Variants in CELF2 observed in about 807,000 individuals in gnomAD.
CELF2 encodes the protein CUGBP Elav-like family member 2.
In CELF2, 8 loss-of-function variants were observed where a neutral mutation model predicts 62.6. The ratio of observed to expected loss-of-function variants is 0.13; its 90% CI spans 0.07 to 0.23. The LOEUF is 0.23. Among genes scored for constraint, CELF2 ranks in the 10% least tolerant of loss-of-function variants. The probability of loss-of-function intolerance (pLI) is 1.00; values close to 1 mark genes in which losing one functional copy is unlikely to be tolerated. For missense variants in CELF2, 333 were observed against 671.0 expected, an observed-to-expected ratio of 0.50 and a Z score of 5.56; for synonymous variants, 258 against 250.0, an observed-to-expected ratio of 1.03 and a Z score of -0.30.
At chr10:11,230,803 G>C (rs753929393) in intron 3 of CELF2, among the ~76,000 whole-genome samples, 1 of 152,208 alleles carries the variant, frequency 6.6e-6, no homozygotes, top group Non-Finnish European at 1.5e-5. Context: ...GCCAGAACAA[G>C]CTAATTCTAA....
chr10:11,226,103 C>G (rs1439002960), intron 3 of CELF2, among the ~76,000 whole-genome samples: 1 of 152,200 alleles, frequency 6.6e-6, no homozygotes, highest in Non-Finnish European at 1.5e-5. Context: ...GCCAGCACAG[C>G]ACAACGGGAA....
chr10:10,777,335 A>G, the CELF2 span, among the ~76,000 whole-genome samples: 22 of 152,208 alleles, frequency 1.4e-4, no homozygotes, highest in Non-Finnish European at 2.6e-4. Flanking sequence ...AATTCAGCAA[A>G]TACTTCCTAG....
intron 1 of CELF2, among the ~76,000 whole-genome samples, chr10:10,898,422 A>G (rs149502951): frequency 4.1e-4 from 62 of 152,310 alleles, no homozygotes; most frequent in Admixed American, 1.2e-3. Flanking sequence ...GATTTCTTAT[A>G]TCAGCCCTAA....
At position 11,112,097 on chromosome 10, in the gene CELF2, A is replaced by G. The variant is rs144828738; in HGVS notation, c.75-53389A>G. Among the ~76,000 whole-genome samples the G allele has an allele frequency of 2.3e-3, 345 of 152,368 alleles. 1 individual carries two copies. Among genetic ancestry groups the G allele is most frequent in the African/African-American group, 7.8e-3 (323 of 41,590 alleles). ...CTTAGATATTTGTACCTTTACATAT[A>G]CATGGAATAGTACAGCAGAACTTTC... On this transcript the variant is annotated intron_variant, in intron 1 of 12. Transcript: ENST00000633077.
the CELF2 span, among the ~76,000 whole-genome samples, chr10:10,517,490 A>G: frequency 1.2e-4 from 19 of 152,222 alleles, no homozygotes; most frequent in Middle Eastern, 3.4e-3. Context: ...AACAAATAAC[A>G]TCATCACAAA....
chr10:10,695,438 C>T, the CELF2 span, among the ~76,000 whole-genome samples: 6 of 150,352 alleles, frequency 4.0e-5, no homozygotes, highest in East Asian at 1.9e-4. Flanking sequence ...CTGCCCTTAA[C>T]GTTTTTTCCT....
intron 2 of CELF2, among the ~76,000 whole-genome samples, chr10:10,973,797 C>T (rs1248440005): frequency 2.6e-5 from 4 of 152,052 alleles, no homozygotes; most frequent in Admixed American, 6.5e-5. Context: ...CGAACTTCTG[C>T]GCCCCAACTA....
intron 3 of CELF2, among the ~76,000 whole-genome samples, chr10:11,248,282 G>A (rs1248926210): frequency 6.6e-6 from 1 of 152,154 alleles, no homozygotes. Flanking sequence ...TGCGGACCAG[G>A]CACCGGGTGT....
the CELF2 span, among the ~76,000 whole-genome samples, chr10:10,626,192 C>A: frequency 6.6e-6 from 1 of 151,972 alleles, no homozygotes; most frequent in African/African-American, 2.4e-5. Context: ...ACATTCGTTG[C>A]TTTACTGATT....
the CELF2 span, among the ~76,000 whole-genome samples, chr10:10,551,215 C>A: frequency 6.6e-6 from 1 of 152,156 alleles, no homozygotes; most frequent in East Asian, 1.9e-4. Flanking sequence ...GTTCAAGGGT[C>A]AACTGTAGTC....
the CELF2 span, among the ~76,000 whole-genome samples, chr10:10,744,242 T>TA: frequency 3.3e-5 from 5 of 152,194 alleles, no homozygotes; most frequent in Non-Finnish European, 7.3e-5. Flanking sequence ...TCTCTGAGTT[T>TA]AAAAAAATAC....
the CELF2 span, among the ~76,000 whole-genome samples, chr10:10,489,276 T>A: frequency 6.6e-6 from 1 of 152,102 alleles, no homozygotes; most frequent in Non-Finnish European, 1.5e-5. Context: ...TCCAGATATG[T>A]TAGTCCTGTC....
chr10:10,978,043 T>G (rs981131094), intron 2 of CELF2, among the ~76,000 whole-genome samples: 26 of 151,082 alleles, frequency 1.7e-4, no homozygotes, highest in South Asian at 4.2e-4. Context: ...TGTTTTTTGT[T>G]TTTTTTTTTC....
chr10:10,956,809 C>T (rs2048954259), intron 2 of CELF2, among the ~76,000 whole-genome samples: 1 of 151,982 alleles, frequency 6.6e-6, no homozygotes, highest in Non-Finnish European at 1.5e-5. Flanking sequence ...TGGTGTGCAC[C>T]TATAGTCCCA....
intron 1 of CELF2, among the ~76,000 whole-genome samples, chr10:11,059,527 C>CTGGTGAGA (rs1171040841): frequency 6.6e-6 from 1 of 152,130 alleles, no homozygotes; most frequent in East Asian, 1.9e-4. Context: ...AAGGAGAATT[C>CTGGTGAGA]TGGTGAGATG....
At chr10:10,708,060 A>T in the CELF2 span, among the ~76,000 whole-genome samples, 3 of 152,226 alleles carry the variant, frequency 2.0e-5, no homozygotes, top group Non-Finnish European at 2.9e-5. Context: ...CATATAAACA[A>T]AGGCTTTAGG....
At chr10:10,611,284 T>C in the CELF2 span, among the ~76,000 whole-genome samples, 37 of 152,272 alleles carry the variant, frequency 2.4e-4, no homozygotes, top group African/African-American at 8.2e-4. Flanking sequence ...TAAAGAGCCA[T>C]TGAGAACCAA....
At chr10:11,045,566 A>C (rs1454013297) in intron 1 of CELF2, among the ~76,000 whole-genome samples, 2 of 152,202 alleles carry the variant, frequency 1.3e-5, no homozygotes, top group Non-Finnish European at 2.9e-5. Context: ...ATGCTCAATA[A>C]ATGTTAACTG....
At chr10:11,325,393 C>T (rs1456112754) in intron 11 of CELF2, among the ~76,000 whole-genome samples, 1 of 152,234 alleles carries the variant, frequency 6.6e-6, no homozygotes, top group African/African-American at 2.4e-5. Context: ...AGCATTACTG[C>T]TACATCCATT....
Sources: gnomAD v4.1 joint callset for allele counts (sites outside exome capture counted in the v4.1 genomes callset) on GRCh38, gnomAD v4.1.1 for gene constraint, MANE v1.5 for transcripts, NCBI Gene and HGNC (gene_info 2026-07-23, HGNC 2026-07-21) for gene names.